TENM3: variants seen among roughly 807,000 people sequenced by gnomAD.
TENM3 encodes teneurin transmembrane protein 3, also known as teneurin-3.
Under a neutral mutation model 255.1 loss-of-function variants are expected in TENM3, and 63 were observed. The ratio of observed to expected loss-of-function variants is 0.25; its 90% CI spans 0.20 to 0.30. The LOEUF is 0.30. Ranked by LOEUF, TENM3 falls within the 10% of genes least tolerant of loss-of-function variation. TENM3 has a pLI of 1.00. For synonymous variants in TENM3, 1,306 were observed against 1,322.3 expected, an observed-to-expected ratio of 0.99 and a Z score of 0.27; for missense variants, 2,929 against 3,461.1, an observed-to-expected ratio of 0.85 and a Z score of 3.86.
intron 3 of TENM3, among the ~76,000 whole-genome samples, chr4:182,469,278 T>C (rs1391707517): frequency 6.6e-6 from 1 of 152,180 alleles, no homozygotes; most frequent in Admixed American, 6.5e-5. Context: ...CATAATTTTA[T>C]TGTAATAAAA....
chr4:182,032,945 T>A, the TENM3 span, among the ~76,000 whole-genome samples: 3 of 152,050 alleles, frequency 2.0e-5, no homozygotes, highest in African/African-American at 4.8e-5. Flanking sequence ...TCTTCTTTAT[T>A]AGTCTAGCTA....
chr4:182,573,743 T>C (rs886329648), intron 3 of TENM3, among the ~76,000 whole-genome samples: 11 of 152,192 alleles, frequency 7.2e-5, no homozygotes, highest in African/African-American at 2.7e-4. Flanking sequence ...AATTGTGCGA[T>C]TTCATATTAA....
the TENM3 span, among the ~76,000 whole-genome samples, chr4:181,826,866 A>C: frequency 6.6e-6 from 1 of 152,168 alleles, no homozygotes; most frequent in Non-Finnish European, 1.5e-5. Flanking sequence ...AGGGAAGATA[A>C]AATTTGCAAA....
chr4:182,032,602 G>T, the TENM3 span, among the ~76,000 whole-genome samples: 1 of 152,220 alleles, frequency 6.6e-6, no homozygotes, highest in South Asian at 2.1e-4. Context: ...TTTTTCAATT[G>T]TTTGGAATAG....
the TENM3 span, among the ~76,000 whole-genome samples, chr4:182,014,971 T>C: frequency 6.6e-6 from 1 of 152,328 alleles, no homozygotes; most frequent in South Asian, 2.1e-4. Context: ...AGAGAAAATA[T>C]TCTTGCAAAT....
At chr4:181,736,892 C>T in the TENM3 span, among the ~76,000 whole-genome samples, 143 of 152,054 alleles carry the variant, frequency 9.4e-4, no homozygotes, top group African/African-American at 3.1e-3. Flanking sequence ...GTCCTGAAGC[C>T]GCCATCTTGG....
At chr4:182,629,969 C>T (rs1751203725) in intron 5 of TENM3, among the ~76,000 whole-genome samples, 1 of 152,140 alleles carries the variant, frequency 6.6e-6, no homozygotes, top group Non-Finnish European at 1.5e-5. Flanking sequence ...AACTACGTGA[C>T]AAGTTATACA....
At chr4:182,766,634 C>T (rs185234627) in intron 22 of TENM3, among the ~76,000 whole-genome samples, 1 of 152,050 alleles carries the variant, frequency 6.6e-6, no homozygotes, top group East Asian at 1.9e-4. Flanking sequence ...TTTCTGTGAC[C>T]ATCTATCACT....
chr4:182,041,985 C>T, the TENM3 span, among the ~76,000 whole-genome samples: 12 of 152,180 alleles, frequency 7.9e-5, no homozygotes, highest in East Asian at 3.9e-4. Flanking sequence ...TGAGGACATT[C>T]GAAAGTAAAG....
intron 3 of TENM3, among the ~76,000 whole-genome samples, chr4:182,521,161 A>G (rs1157961186): frequency 6.6e-6 from 1 of 152,232 alleles, no homozygotes; most frequent in South Asian, 2.1e-4. Flanking sequence ...ATCATCAGTT[A>G]TGAAAGGAAG....
chr4:182,409,083 G>A (rs1452611406), intron 3 of TENM3, among the ~76,000 whole-genome samples: 2 of 152,216 alleles, frequency 1.3e-5, no homozygotes, highest in African/African-American at 2.4e-5. Context: ...CATCGCAAAT[G>A]AGAGGAAGAA....
the TENM3 span, among the ~76,000 whole-genome samples, chr4:181,852,916 A>T: frequency 6.6e-6 from 1 of 152,326 alleles, no homozygotes; most frequent in South Asian, 2.1e-4. Context: ...TTACACTTAC[A>T]AATGGTTAAA....
intron 5 of TENM3, among the ~76,000 whole-genome samples, chr4:182,642,309 T>C (rs1296499853): frequency 6.6e-6 from 1 of 152,212 alleles, no homozygotes; most frequent in Admixed American, 6.5e-5. Flanking sequence ...ATTCTCTCTG[T>C]GACAGAAGCA....
the TENM3 span, among the ~76,000 whole-genome samples, chr4:181,710,542 C>A: frequency 6.6e-6 from 1 of 151,928 alleles, no homozygotes; most frequent in African/African-American, 2.4e-5. Context: ...ATGATGAAAC[C>A]CCATCTCTAC....
chr4:182,756,708 T>C (rs180882895), intron 22 of TENM3, among the ~76,000 whole-genome samples: 170 of 152,350 alleles, frequency 1.1e-3, no homozygotes, highest in African/African-American at 3.8e-3. Flanking sequence ...TAAAGCTTAG[T>C]TCTCCTGTAG....
At chr4:182,725,173 G>A (rs1466555926) in intron 13 of TENM3, among the ~76,000 whole-genome samples, 1 of 152,008 alleles carries the variant, frequency 6.6e-6, no homozygotes, top group Non-Finnish European at 1.5e-5. Flanking sequence ...AAGTAGCTGG[G>A]ACTTCAGGTG....
chr4:182,292,897 G>C (rs1479367318), intron 1 of TENM3, among the ~76,000 whole-genome samples: 1 of 152,176 alleles, frequency 6.6e-6, no homozygotes, highest in East Asian at 1.9e-4. Context: ...ATGTGGAGGA[G>C]TTAACTAGGG....
At chr4:182,702,502 C>T (rs1757951162) in intron 12 of TENM3, among the ~76,000 whole-genome samples, 1 of 152,120 alleles carries the variant, frequency 6.6e-6, no homozygotes, top group Admixed American at 6.5e-5. Flanking sequence ...TTTAAACTCT[C>T]CCTATTAATA....
In TENM3 at chr4:182,328,576, TAAAAC is replaced by T. The variant is rs554373059; in HGVS notation, c.232+4326_232+4330del. 1.7e-3 allele frequency among the ~76,000 whole-genome samples: 257 copies of T among 152,192 alleles called. 1 individual carries two copies. The highest frequency in any genetic ancestry group is 6.1e-3 in the African/African-American group (254 of 41,500). ...ATCTATGTTTGTACGTTACTGAAAT[TAAAAC>T]AGAAAGTAAATTTGCAAAGAAGGGA... On this transcript the variant is annotated intron_variant, in intron 2 of 27. Coordinates refer to ENST00000511685, the MANE Select transcript of TENM3 (RefSeq NM_001080477.4).
Sources: gnomAD v4.1 joint callset for allele counts (sites outside exome capture counted in the v4.1 genomes callset) on GRCh38, gnomAD v4.1.1 for gene constraint, MANE v1.5 for transcripts, NCBI Gene and HGNC (gene_info 2026-07-23, HGNC 2026-07-21) for gene names.